The following ERO1B variants were observed in gnomAD, a reference collection of about 807,000 sequenced individuals.
ERO1B encodes endoplasmic reticulum oxidoreductase 1 beta.
A neutral mutation model predicts 75.3 loss-of-function variants in ERO1B; 49 were observed. The ratio of observed to expected loss-of-function variants is 0.65; its 90% CI spans 0.52 to 0.83. The LOEUF (loss-of-function observed/expected upper bound fraction) is 0.83. ERO1B is among the 40% of genes least tolerant of loss of function. ERO1B has a pLI of 0.00. For synonymous variants in ERO1B, 191 were observed against 192.9 expected (o/e 0.99, Z 0.08); for missense variants, 512 against 560.1 (o/e 0.91, Z 0.87).
chr1:236,268,886 G>A (rs974639799), intron 2 of ERO1B, among the ~76,000 whole-genome samples: 1 of 151,110 alleles, frequency 6.6e-6, no homozygotes, highest in Non-Finnish European at 1.5e-5. Flanking sequence ...ACTCTGTCTC[G>A]AGAGAAAAAA....
intron 2 of ERO1B, among the ~76,000 whole-genome samples, chr1:236,262,192 T>C (rs1421334614): frequency 1.3e-5 from 2 of 152,086 alleles, no homozygotes; most frequent in South Asian, 4.1e-4. Flanking sequence ...CTCCCAAGTA[T>C]GTATGGTCAA....
chr1:236,277,210 C>G (rs890608934), intron 1 of ERO1B, among the ~76,000 whole-genome samples: 1 of 152,114 alleles, frequency 6.6e-6, no homozygotes, highest in Non-Finnish European at 1.5e-5. Context: ...TTGAGACCAG[C>G]CTGGCCAACA....
chr1:236,236,684 A>C (rs1273188542), intron 6 of ERO1B, among the ~76,000 whole-genome samples: 4 of 152,250 alleles, frequency 2.6e-5, no homozygotes, highest in Non-Finnish European at 4.4e-5. Flanking sequence ...TATTAGAGAC[A>C]TGAATCATTT....
At position 236,274,380 on chromosome 1, in the gene ERO1B, T is replaced by G. The variant is rs557954519; in HGVS notation, c.103-4386A>C. Among the ~76,000 whole-genome samples, 3 of 152,342 alleles carry G rather than the reference T, an allele frequency of 2.0e-5. No individual in the cohort carries two copies. In the East Asian group the frequency reaches 5.8e-4, roughly 29 times the overall value. On this transcript the variant is annotated intron_variant, in intron 1 of 15. Transcript: ENST00000354619. ...TTTTTTCTTATTTGCACTAAGAAGGTACAATGTTCATATGTTTTATGACAC... is the reference window on the plus strand; with the variant it reads ...TTTTTTCTTATTTGCACTAAGAAGGGACAATGTTCATATGTTTTATGACAC...
chr1:236,239,364 G>C (rs1327707536), intron 6 of ERO1B, among the ~76,000 whole-genome samples: 1 of 152,138 alleles, frequency 6.6e-6, no homozygotes, highest in Non-Finnish European at 1.5e-5. Flanking sequence ...GCAGAGATGA[G>C]TAATTCCAAC....
At chr1:236,261,192 T>A (rs1665287032) in intron 2 of ERO1B, among the ~76,000 whole-genome samples, 1 of 152,170 alleles carries the variant, frequency 6.6e-6, no homozygotes, top group Non-Finnish European at 1.5e-5. Context: ...TACCCACAGC[T>A]AACATCATAC....
Position 236,236,357 on chromosome 1 carries a change from TCAG to T in ERO1B, c.544_546del (p.Leu182del), listed in dbSNP as rs777939887. On this transcript the variant is annotated inframe_deletion, in exon 7 of 16. Transcript: ENST00000354619. ...TTATAGCCAGTGTAACGCTCTGGGT[TCAG>T]CAATAGGTCTACATACTGAGCAGCT... 5 of 1,614,082 alleles carry T rather than the reference TCAG, an allele frequency of 3.1e-6. No individual in the cohort carries two copies. The highest frequency in any genetic ancestry group is 2.5e-6 in the Non-Finnish European group (3 of 1,179,982).
At chr1:236,273,679 A>G (rs1402846524) in intron 1 of ERO1B, among the ~76,000 whole-genome samples, 1 of 151,942 alleles carries the variant, frequency 6.6e-6, no homozygotes, top group Non-Finnish European at 1.5e-5. Context: ...GGTGGTGAGC[A>G]TCTGTAGTCC....
At chr1:236,222,192 C>T (rs1664165675) in intron 13 of ERO1B, among the ~76,000 whole-genome samples, 182 bp from the exon 14 acceptor site, 1 of 152,220 alleles carries the variant, frequency 6.6e-6, no homozygotes, top group African/African-American at 2.4e-5. Flanking sequence ...TTAGTGCAAC[C>T]TCCACCTCCC....
intron 2 of ERO1B, among the ~76,000 whole-genome samples, chr1:236,260,044 C>T (rs1558519082): frequency 6.6e-6 from 1 of 152,044 alleles, no homozygotes; most frequent in African/African-American, 2.4e-5. Context: ...TGTGACCACA[C>T]TAACATGAAA....
chr1:236,231,205 C>T (rs1664400262), intron 9 of ERO1B, among the ~76,000 whole-genome samples: 1 of 151,998 alleles, frequency 6.6e-6, no homozygotes, highest in African/African-American at 2.4e-5. Flanking sequence ...CAATATAATT[C>T]TTCAGGAAAG....
At chr1:236,257,151 C>G (rs1342346478) in intron 2 of ERO1B, among the ~76,000 whole-genome samples, 1 of 152,162 alleles carries the variant, frequency 6.6e-6, no homozygotes, top group African/African-American at 2.4e-5. Flanking sequence ...TCTTGGAGGC[C>G]ACTAAGAACA....
intron 2 of ERO1B, among the ~76,000 whole-genome samples, chr1:236,254,909 G>A (rs1262627472): frequency 6.6e-6 from 1 of 150,930 alleles, no homozygotes; most frequent in Non-Finnish European, 1.5e-5. Flanking sequence ...CACCGTGCCT[G>A]GCCGGTCTTT....
intron 2 of ERO1B, among the ~76,000 whole-genome samples, chr1:236,266,865 T>C (rs1665454679): frequency 6.6e-6 from 1 of 152,198 alleles, no homozygotes; most frequent in Admixed American, 6.5e-5. Flanking sequence ...GAGCATGTTT[T>C]GGTTTCATAT....
intron 6 of ERO1B, among the ~76,000 whole-genome samples, chr1:236,241,043 T>C (rs1432628546): frequency 6.6e-6 from 1 of 152,008 alleles, no homozygotes; most frequent in African/African-American, 2.4e-5. Flanking sequence ...GATATTAAAT[T>C]ACTAAATTAT....
chr1:236,258,892 CATAA>C (rs780506548), intron 2 of ERO1B, among the ~76,000 whole-genome samples: 2 of 151,840 alleles, frequency 1.3e-5, no homozygotes, highest in Non-Finnish European at 2.9e-5. Context: ...CCATCTCAAA[CATAA>C]ATAAATAAAT....
At chr1:236,266,842 T>C (rs1665454196) in intron 2 of ERO1B, among the ~76,000 whole-genome samples, 1 of 152,206 alleles carries the variant, frequency 6.6e-6, no homozygotes, top group African/African-American at 2.4e-5. Flanking sequence ...AACCCTCCTC[T>C]GTGAGAGGGT....
intron 1 of ERO1B, among the ~76,000 whole-genome samples, chr1:236,270,482 T>G (rs1248634365): frequency 6.6e-6 from 1 of 152,180 alleles, no homozygotes; most frequent in Non-Finnish European, 1.5e-5. Context: ...TCATATTACA[T>G]ATAAGGAAAT....
intron 1 of ERO1B, among the ~76,000 whole-genome samples, chr1:236,272,176 T>C (rs1336676726): frequency 1.3e-5 from 2 of 152,156 alleles, no homozygotes; most frequent in African/African-American, 4.8e-5. Flanking sequence ...AGTAGAACCA[T>C]CATTTGACCC....
Sources: allele counts gnomAD v4.1 joint callset (sites outside exome capture counted in the v4.1 genomes callset), GRCh38; gene constraint gnomAD v4.1.1; transcripts MANE v1.5; gene names NCBI Gene and HGNC (gene_info 2026-07-23, HGNC 2026-07-21).